Variants in SLC39A11 observed in about 807,000 individuals in gnomAD.
SLC39A11 encodes solute carrier family 39 member 11.
A neutral mutation model predicts 36.1 loss-of-function variants in SLC39A11; 33 were observed. The observed-to-expected ratio is 0.91, with a 90% CI of 0.69 to 1.22. SLC39A11 has a LOEUF of 1.22. Among genes scored for constraint, SLC39A11 ranks in the 50% most tolerant of loss-of-function variants. The pLI is 0.00. For synonymous variants in SLC39A11, 166 were observed against 170.3 expected, an observed-to-expected ratio of 0.97 and a Z score of 0.20; for missense variants, 432 against 430.3, an observed-to-expected ratio of 1.00 and a Z score of -0.03.
At chr17:72,867,665 G>C (rs1017878637) in intron 5 of SLC39A11, among the ~76,000 whole-genome samples, 1 of 152,018 alleles carries the variant, frequency 6.6e-6, no homozygotes, top group Admixed American at 6.5e-5. Flanking sequence ...AATAAAATAC[G>C]AGGAAGGAGT....
chr17:72,863,207 C>G (rs2080132945), intron 5 of SLC39A11, among the ~76,000 whole-genome samples: 1 of 152,178 alleles, frequency 6.6e-6, no homozygotes, highest in Admixed American at 6.5e-5. Context: ...TTCACTTGGG[C>G]ATTATACTCT....
intron 4 of SLC39A11, among the ~76,000 whole-genome samples, chr17:73,018,335 G>C (rs540845368): frequency 6.6e-6 from 1 of 152,202 alleles, no homozygotes; most frequent in Admixed American, 6.5e-5. Flanking sequence ...GATTACCTGA[G>C]GTCAGGAGTT....
intron 6 of SLC39A11, among the ~76,000 whole-genome samples, chr17:72,743,775 T>C (rs2567468): frequency 0.85 from 128,927 of 152,146 alleles, 55,535 homozygotes; most frequent in African/African-American, 0.96. Flanking sequence ...GGAAAAATGC[T>C]GACTGATGCT....
intron 5 of SLC39A11, among the ~76,000 whole-genome samples, chr17:72,909,322 G>T (rs61701703): frequency 3.3e-5 from 5 of 152,178 alleles, no homozygotes; most frequent in African/African-American, 1.2e-4. Flanking sequence ...CGATTCTGGG[G>T]AGAGTCACGT....
chr17:72,846,018 C>CTCTCTTTTTTT (rs2079035587), intron 6 of SLC39A11, among the ~76,000 whole-genome samples: 1 of 57,950 alleles, frequency 1.7e-5, no homozygotes, highest in Non-Finnish European at 2.8e-5. Context: ...CTCTCTCTCT[C>CTCTCTTTTTTT]TTTTTTTTTT....
chr17:73,070,076 T>C (rs1165004394), intron 3 of SLC39A11, among the ~76,000 whole-genome samples: 1 of 152,164 alleles, frequency 6.6e-6, no homozygotes, highest in East Asian at 1.9e-4. Flanking sequence ...TAGTATGTGA[T>C]CCAACAGGCA....
At chr17:72,990,399 C>T (rs1472214922) in intron 4 of SLC39A11, among the ~76,000 whole-genome samples, 23 of 152,152 alleles carry the variant, frequency 1.5e-4, no homozygotes, top group Admixed American at 1.5e-3. Context: ...AAACACATTT[C>T]CTTTTCCTAT....
chr17:72,886,292 A>G (rs1245447102), intron 5 of SLC39A11, among the ~76,000 whole-genome samples: 2 of 152,210 alleles, frequency 1.3e-5, no homozygotes, highest in Non-Finnish European at 2.9e-5. Flanking sequence ...CATGAACTCC[A>G]AAGTCATGAA....
At chr17:72,919,747 C>CG (rs1413073425) in intron 5 of SLC39A11, among the ~76,000 whole-genome samples, 2 of 151,870 alleles carry the variant, frequency 1.3e-5, no homozygotes, top group Non-Finnish European at 2.9e-5. Context: ...ATGATGACCC[C>CG]GCGTGGGGTG....
chr17:72,717,133 C>A (rs1239913826), intron 7 of SLC39A11, among the ~76,000 whole-genome samples: 6 of 143,706 alleles, frequency 4.2e-5, no homozygotes, highest in Non-Finnish European at 7.5e-5. Context: ...TATGTATATA[C>A]TTATATGTGT....
At chr17:72,747,870 A>G (rs2075002993) in intron 6 of SLC39A11, among the ~76,000 whole-genome samples, 1 of 152,248 alleles carries the variant, frequency 6.6e-6, no homozygotes, top group Non-Finnish European at 1.5e-5. Flanking sequence ...TAGAGGCTGT[A>G]TAAAGGATGG....
At chr17:72,905,172 CAAAAAAAAAAAA>C (rs58702930) in intron 5 of SLC39A11, among the ~76,000 whole-genome samples, 1 of 42,902 alleles carries the variant, frequency 2.3e-5, no homozygotes, top group Non-Finnish European at 4.0e-5. Context: ...GACTCCATCT[CAAAAAAAAAAAA>C]AAAAAAAAAA....
At chr17:72,839,661 A>G (rs1288427659) in intron 6 of SLC39A11, 1 of 152,248 alleles carries the variant, frequency 6.6e-6, no homozygotes, top group East Asian at 1.9e-4. Context: ...GTTTTAAGCC[A>G]CTAAGTTTGT....
chr17:73,036,830 T>C, intron 3 of SLC39A11, among the ~76,000 whole-genome samples: 1 of 152,216 alleles, frequency 6.6e-6, no homozygotes. Flanking sequence ...GTATCCATCA[T>C]TACTGTATCA....
chr17:72,788,610 A>C (rs2076596151), intron 6 of SLC39A11, among the ~76,000 whole-genome samples: 3 of 152,286 alleles, frequency 2.0e-5, no homozygotes, highest in African/African-American at 7.2e-5. Context: ...GAGTATAAGA[A>C]TAATACACAC....
intron 6 of SLC39A11, among the ~76,000 whole-genome samples, chr17:72,745,232 C>T (rs113228360): frequency 9.2e-5 from 14 of 152,206 alleles, no homozygotes; most frequent in East Asian, 1.9e-4. Context: ...CACCTGTACA[C>T]GGTAGCTTGA....
intron 6 of SLC39A11, among the ~76,000 whole-genome samples, chr17:72,788,188 C>A (rs928234305): frequency 3.3e-5 from 5 of 152,144 alleles, no homozygotes; most frequent in African/African-American, 1.2e-4. Flanking sequence ...CTGGTTAGGC[C>A]CAGGTATTTA....
chr17:72,782,939 T>C (rs1568084048), intron 6 of SLC39A11, among the ~76,000 whole-genome samples: 2 of 144,228 alleles, frequency 1.4e-5, no homozygotes, highest in Non-Finnish European at 3.0e-5. Flanking sequence ...GAGGCGGAGA[T>C]TGCGGTGAGC....
chr17:72,792,724 G>A (rs1016101697), intron 6 of SLC39A11, among the ~76,000 whole-genome samples: 4 of 152,184 alleles, frequency 2.6e-5, no homozygotes, highest in African/African-American at 9.7e-5. Flanking sequence ...GGTCGCGGAG[G>A]CTGTGGGAGG....
Sources: gnomAD v4.1 joint callset for allele counts (sites outside exome capture counted in the v4.1 genomes callset) on GRCh38, gnomAD v4.1.1 for gene constraint, MANE v1.5 for transcripts, NCBI Gene and HGNC (gene_info 2026-07-23, HGNC 2026-07-21) for gene names.